Variants in MOSMO observed in about 807,000 individuals in gnomAD.
MOSMO encodes the protein modulator of smoothened protein.
Under a neutral mutation model 18.4 loss-of-function variants are expected in MOSMO, and 5 were observed. That is an observed-to-expected ratio of 0.27 (90% CI 0.14 to 0.57). MOSMO has a LOEUF of 0.57. Ranked by LOEUF, MOSMO falls within the 20% of genes least tolerant of loss-of-function variation. MOSMO has a pLI of 0.92. For missense variants in MOSMO, 138 were observed against 211.8 expected (o/e 0.65, Z 2.16); for synonymous variants, 82 against 82.3 (o/e 1.00, Z 0.02).
chr16:22,055,524 C>T (rs936212064), intron 1 of MOSMO, among the ~76,000 whole-genome samples: 7 of 152,218 alleles, frequency 4.6e-5, no homozygotes, highest in Admixed American at 1.3e-4. Flanking sequence ...AAGGAACTAG[C>T]TATTTTTCCT....
At chr16:22,034,842 C>T (rs895190170) in intron 1 of MOSMO, among the ~76,000 whole-genome samples, 1 of 148,624 alleles carries the variant, frequency 6.7e-6, no homozygotes, top group Non-Finnish European at 1.5e-5. Flanking sequence ...GTGATTCTCC[C>T]ACCTCAGCCT....
chr16:22,009,836 A>AAAAAAAAC (rs1899485456), intron 1 of MOSMO, among the ~76,000 whole-genome samples: 1 of 121,234 alleles, frequency 8.2e-6, no homozygotes, highest in Non-Finnish European at 1.8e-5. Flanking sequence ...AAAAAAAAAA[A>AAAAAAAAC]AGAGAATTAG....
downstream of MOSMO, chr16:22,092,250 TC>T: frequency 5.9e-6 from 1 of 170,892 alleles, no homozygotes; most frequent in South Asian, 1.5e-4. Context: ...TCTCCTCTGT[TC>T]CTACCACAGG....
intron 2 of MOSMO, 49 bp downstream of exon 2, chr16:22,075,748 C>G: frequency 7.6e-7 from 1 of 1,318,594 alleles, no homozygotes; most frequent in Non-Finnish European, 1.0e-6. Flanking sequence ...CCCACCCACA[C>G]TGGTATTTTT....
intron 2 of MOSMO, among the ~76,000 whole-genome samples, chr16:22,078,346 T>C (rs908464869): frequency 6.6e-6 from 1 of 152,198 alleles, no homozygotes; most frequent in African/African-American, 2.4e-5. Context: ...AAAGAAAAAC[T>C]CATCCACCTG....
intron 1 of MOSMO, among the ~76,000 whole-genome samples, chr16:22,024,972 A>C (rs184883570): frequency 6.6e-6 from 1 of 152,032 alleles, no homozygotes; most frequent in Non-Finnish European, 1.5e-5. Context: ...CAACATAGCA[A>C]GACTTCATCT....
Position 22,080,856 on chromosome 16 carries a change from T to C in MOSMO, c.480T>C (p.Ala160=), listed in dbSNP as rs555014872. The C allele has an allele frequency of 1.3e-5, 19 of 1,411,698 alleles. No homozygotes were observed. The highest frequency in any genetic ancestry group is 5.6e-5 in the East Asian group (2 of 35,410). The allele number at this position is 1,411,698 out of a possible 1,614,324, so 87.4% of individuals were successfully genotyped here. A position where few individuals can be genotyped will look rare whatever the true frequency, so the allele number is the denominator to read the frequency against. Residue 160 remains alanine, a synonymous_variant, in exon 3 of 3, where the codon GCT becomes GCC. Transcript: ENST00000542527. The stretch of plus-strand genomic sequence containing the variant: ...TTACAATAGTAGGACTTCTATTTGC[T>C]GGCAAAGTTTGTTTACCAGGCTGAT... ...IFFTIVGLLF[A]GKVCLPG is the part of the protein sequence containing the mutation.
chr16:22,075,312 A>G (rs1900941381), intron 1 of MOSMO, 175 bp from the exon 2 acceptor site: 1 of 698,696 alleles, frequency 1.4e-6, no homozygotes, highest in African/African-American at 1.8e-5. Flanking sequence ...TGTATGTTAA[A>G]CTAAGTATTA....
intron 1 of MOSMO, among the ~76,000 whole-genome samples, chr16:22,055,131 A>T (rs1175819331): frequency 6.6e-6 from 1 of 152,214 alleles, no homozygotes; most frequent in African/African-American, 2.4e-5. Context: ...AAGTCTGGTC[A>T]GCTTCTGTGC....
chr16:22,055,002 A>T (rs1424327951), intron 1 of MOSMO, among the ~76,000 whole-genome samples: 1 of 151,258 alleles, frequency 6.6e-6, no homozygotes, highest in African/African-American at 2.4e-5. Context: ...TCTGGTATAG[A>T]TGATTAAAAC....
intron 1 of MOSMO, among the ~76,000 whole-genome samples, chr16:22,058,440 A>G (rs558075099): frequency 3.2e-4 from 49 of 151,982 alleles, no homozygotes; most frequent in African/African-American, 6.0e-4. Context: ...AAAAAAAAAA[A>G]AAAGAAAGAA....
Position 22,008,261 on chromosome 16 carries a change from C to T in MOSMO, c.-41C>T. 7.3e-7 allele frequency: 1 copy of T among 1,361,110 alleles called. No individual in the cohort carries two copies. The allele number at this position is 1,361,110 out of a possible 1,614,324, so 84.3% of individuals were successfully genotyped here. ...TGGGGCGGGAGGCGTGAGGCCGCTG[C>T]CTGTCCGGGGCTCGGGGGGTGGGGG... On this transcript the variant is annotated 5_prime_UTR_variant, in exon 1 of 3. Coordinates refer to ENST00000542527, the MANE Select transcript of MOSMO (RefSeq NM_001164579.2).
Position 22,053,852 on chromosome 16 carries a change from G to A in MOSMO, c.107-21635G>A, listed in dbSNP as rs144835282. Among the ~76,000 whole-genome samples the A allele has an allele frequency of 3.7e-4, 56 of 152,244 alleles. 1 individual carries two copies. In the East Asian group the frequency reaches 0.011, roughly 29 times the overall value. On this transcript the variant is annotated intron_variant, in intron 1 of 2. Coordinates refer to ENST00000542527, the MANE Select transcript of MOSMO (RefSeq NM_001164579.2). ...TCAAGGAAAAGAAACGGAGTAGTTGGAGGCCCATTGTTGAAAGGAAATGTA... is the reference window on the plus strand; with the variant it reads ...TCAAGGAAAAGAAACGGAGTAGTTGAAGGCCCATTGTTGAAAGGAAATGTA...
rs1000141657 is a variant in MOSMO at position 22,075,708 on chromosome 16, C to G, written c.319+9C>G. 6 of 1,296,752 alleles carry G rather than the reference C, an allele frequency of 4.6e-6. No homozygotes were observed. Among genetic ancestry groups the G allele is most frequent in the Non-Finnish European group, 6.0e-6 (6 of 1,002,016 alleles). 80.3% of individuals were successfully genotyped at this position (1,296,752 alleles called of 1,614,324 possible). The stretch of plus-strand genomic sequence containing the variant: ...GATAGCATTCACTGGAAGTAAGTAA[C>G]CTGTGCTTACTAAATTTGTCTAGAA... On this transcript the variant is annotated intron_variant, in intron 2 of 2. Transcript: ENST00000542527.
At chr16:22,010,868 C>A (rs531071837) in intron 1 of MOSMO, among the ~76,000 whole-genome samples, 2 of 151,484 alleles carry the variant, frequency 1.3e-5, no homozygotes, top group Non-Finnish European at 2.9e-5. Context: ...TTGCAGTGAG[C>A]CAAGATCACG....
At chr16:22,085,915 C>T (rs967203908), downstream of MOSMO, 2 of 152,102 alleles carry the variant, frequency 1.3e-5, no homozygotes, top group Admixed American at 1.3e-4. Context: ...TCTAAGACCA[C>T]CCAAGATAAC....
Position 22,075,625 on chromosome 16 carries a change from CAT to C in MOSMO, c.246_247del (p.Cys83TrpfsTer42), listed in dbSNP as rs1235718310. Reference sequence around the variant, plus strand: ...ATGGGAATCATTTCATTGACTGTCACATGTGGTTTGCTGGTGGCTTCCCACTG... The same window carrying C: ...ATGGGAATCATTTCATTGACTGTCACGTGGTTTGCTGGTGGCTTCCCACTG... On this transcript the variant is annotated frameshift_variant, in exon 2 of 3. Coordinates refer to ENST00000542527, the MANE Select transcript of MOSMO (RefSeq NM_001164579.2). LOFTEE classifies it high-confidence loss of function. The C allele has an allele frequency of 1.3e-6, 2 of 1,537,286 alleles. No individual in the cohort carries two copies. Among genetic ancestry groups the C allele is most frequent in the African/African-American group, 2.7e-5 (2 of 73,066 alleles).
At chr16:22,075,443 A>G (rs988560536) in intron 1 of MOSMO, 44 bp from the exon 2 acceptor site, 1 of 1,260,354 alleles carries the variant, frequency 7.9e-7, no homozygotes, top group Non-Finnish European at 1.0e-6. Context: ...TTCCCTGGAC[A>G]GGCCAAACCC....
At chr16:22,045,021 C>CA (rs747580729) in intron 1 of MOSMO, among the ~76,000 whole-genome samples, 1,789 of 132,716 alleles carry the variant, frequency 0.013, 18 homozygotes, top group African/African-American at 0.028. Flanking sequence ...ACAAAAAATA[C>CA]AAAAAAAAAA....
Sources: allele counts gnomAD v4.1 joint callset (sites outside exome capture counted in the v4.1 genomes callset), GRCh38; gene constraint gnomAD v4.1.1; transcripts MANE v1.5; gene names NCBI Gene and HGNC (gene_info 2026-07-23, HGNC 2026-07-21).